The following ITPR2 variants were observed in gnomAD, a reference collection of about 807,000 sequenced individuals.
ITPR2 encodes inositol 1,4,5-trisphosphate receptor type 2.
ITPR2 carries 207 observed loss-of-function variants against 317.1 expected under a neutral mutation model. The ratio of observed to expected loss-of-function variants is 0.65; its 90% confidence interval spans 0.58 to 0.73. The LOEUF is 0.73. ITPR2 is among the 30% of genes least tolerant of loss of function. The probability of loss-of-function intolerance (pLI) is 0.00; values close to 1 mark genes in which losing one functional copy is unlikely to be tolerated. For synonymous variants in ITPR2, 1,156 were observed against 1,149.1 expected (o/e 1.01, Z -0.12); for missense variants, 2,613 against 3,284.0 (o/e 0.80, Z 4.99).
intron 21 of ITPR2, among the ~76,000 whole-genome samples, chr12:26,651,158 C>T (rs1163476684): frequency 1.3e-5 from 2 of 152,088 alleles, no homozygotes; most frequent in Non-Finnish European, 2.9e-5. Context: ...TCTTGGATTG[C>T]AATTTTAAAT....
At chr12:26,587,332 G>A (rs1315148867) in intron 32 of ITPR2, among the ~76,000 whole-genome samples, 1 of 151,354 alleles carries the variant, frequency 6.6e-6, no homozygotes, top group Non-Finnish European at 1.5e-5. Context: ...ATTCTATGGA[G>A]AAAAATGAAG....
At chr12:26,440,141 A>G (rs1423019983) in intron 46 of ITPR2, among the ~76,000 whole-genome samples, 2 of 152,190 alleles carry the variant, frequency 1.3e-5, no homozygotes, top group African/African-American at 2.4e-5. Context: ...GTGAGGCATA[A>G]AGAGAAATAT....
chr12:26,528,141 C>T lies in ITPR2; in HGVS notation c.5073+22106G>A, dbSNP rs74512330. On this transcript the variant is annotated intron_variant, in intron 37 of 56. Transcript: ENST00000381340. ...TTGGGGGGAAATATTAGCAAACACA[C>T]CCACAGATCTCAAGCCATGTTTTCC... 9.5e-3 allele frequency among the ~76,000 whole-genome samples: 1,445 copies of T among 152,280 alleles called. 25 individuals carry two copies. The highest frequency in any genetic ancestry group is 0.033 in the African/African-American group (1,388 of 41,544).
rs547461419 is a variant in ITPR2 at position 26,568,676 on chromosome 12, G to T, written c.4631-6724C>A. On this transcript the variant is annotated intron_variant, in intron 34 of 56. Coordinates refer to ENST00000381340, the MANE Select transcript of ITPR2 (RefSeq NM_002223.4). Reference sequence around the variant, plus strand: ...CTTAGCTAGATAAACTGACAGGTAGGGGGGAAAGGCAACAGAAAGTGTAAG... The same window carrying T: ...CTTAGCTAGATAAACTGACAGGTAGTGGGGAAAGGCAACAGAAAGTGTAAG... Among the ~76,000 whole-genome samples the T allele has an allele frequency of 3.9e-5, 6 of 152,140 alleles. No homozygotes were observed. In the East Asian group the frequency reaches 7.7e-4, roughly 20 times the overall value.
In ITPR2 at chr12:26,637,611, A is replaced by C. The variant is rs116116195; in HGVS notation, c.2741-5552T>G. Among the ~76,000 whole-genome samples, 1,468 of 152,304 alleles carry C rather than the reference A, an allele frequency of 9.6e-3. 31 individuals carry two copies. Among genetic ancestry groups the C allele is most frequent in the African/African-American group, 0.034 (1,404 of 41,554 alleles). On this transcript the variant is annotated intron_variant, in intron 21 of 56. Transcript: ENST00000381340. ...TGCAAAAAAAGCCATGAACAATAAAAAAGTACCATATAATTGTAAGGTATT... is the reference window on the plus strand; with the variant it reads ...TGCAAAAAAAGCCATGAACAATAAACAAGTACCATATAATTGTAAGGTATT...
At chr12:26,367,186 G>A (rs777746787) in intron 55 of ITPR2, among the ~76,000 whole-genome samples, 3 of 151,776 alleles carry the variant, frequency 2.0e-5, no homozygotes, top group African/African-American at 4.8e-5. Flanking sequence ...GCCAAAGATT[G>A]TTGTTGGAAA....
intron 34 of ITPR2, among the ~76,000 whole-genome samples, chr12:26,566,488 G>A (rs986864111): frequency 7.0e-6 from 1 of 142,604 alleles, no homozygotes; most frequent in Non-Finnish European, 1.5e-5. Flanking sequence ...GGAGAGGAGG[G>A]AGAGGAGGGA....
chr12:26,632,739 T>C (rs1946782694), intron 21 of ITPR2, among the ~76,000 whole-genome samples: 1 of 152,176 alleles, frequency 6.6e-6, no homozygotes, highest in South Asian at 2.1e-4. Context: ...GTGACAAACA[T>C]GATCATTTTC....
At chr12:26,576,989 T>TCA (rs1413153183) in intron 34 of ITPR2, among the ~76,000 whole-genome samples, 4 of 152,182 alleles carry the variant, frequency 2.6e-5, no homozygotes, top group Non-Finnish European at 4.4e-5. Flanking sequence ...CCTTTCACTC[T>TCA]CTCTCTCTCT....
chr12:26,441,818 C>T (rs1347176264), intron 46 of ITPR2, among the ~76,000 whole-genome samples: 2 of 152,116 alleles, frequency 1.3e-5, no homozygotes. Flanking sequence ...TTATTCAAAC[C>T]AGTAGCCCAG....
intron 45 of ITPR2, among the ~76,000 whole-genome samples, chr12:26,466,617 G>A (rs973013918): frequency 6.6e-6 from 1 of 152,100 alleles, no homozygotes; most frequent in Non-Finnish European, 1.5e-5. Flanking sequence ...CAGTAAAAGA[G>A]CTATCACAGT....
At chr12:26,567,976 T>C (rs1158599955) in intron 34 of ITPR2, among the ~76,000 whole-genome samples, 1 of 9,048 alleles carries the variant, frequency 1.1e-4, no homozygotes, top group East Asian at 9.6e-4. Flanking sequence ...ATATTATATA[T>C]ATTATATATA....
intron 22 of ITPR2, chr12:26,630,468 G>C (rs935535126): frequency 6.6e-6 from 1 of 152,248 alleles, no homozygotes; most frequent in Non-Finnish European, 1.5e-5. Context: ...GAAGACCCAG[G>C]GGGAAGAGAG....
intron 34 of ITPR2, among the ~76,000 whole-genome samples, chr12:26,569,127 C>G (rs1388172660): frequency 1.3e-5 from 2 of 152,038 alleles, no homozygotes; most frequent in Non-Finnish European, 2.9e-5. Context: ...TGAAAATTCT[C>G]CATGAGAATT....
intron 26 of ITPR2, among the ~76,000 whole-genome samples, chr12:26,613,731 A>C (rs946112816): frequency 1.3e-5 from 2 of 152,152 alleles, no homozygotes; most frequent in African/African-American, 4.8e-5. Flanking sequence ...GCAAAAGGGC[A>C]CCTATCTTGG....
intron 36 of ITPR2, among the ~76,000 whole-genome samples, chr12:26,555,482 C>T (rs1944638046): frequency 6.6e-6 from 1 of 152,180 alleles, no homozygotes; most frequent in African/African-American, 2.4e-5. Context: ...CAATAACGTG[C>T]CCTCCACATA....
intron 26 of ITPR2, among the ~76,000 whole-genome samples, chr12:26,619,593 C>T (rs10842761): frequency 0.49 from 75,049 of 151,636 alleles, 18,846 homozygotes; most frequent in Middle Eastern, 0.58. Context: ...ATAGATACTC[C>T]TTCTTGATGT....
chr12:26,395,426 G>A (rs972644290), intron 54 of ITPR2, among the ~76,000 whole-genome samples: 1 of 152,204 alleles, frequency 6.6e-6, no homozygotes, highest in African/African-American at 2.4e-5. Flanking sequence ...GCTTAGAGGA[G>A]CAGGAATCTT....
chr12:26,614,973 A>G (rs1946343878), intron 26 of ITPR2, among the ~76,000 whole-genome samples: 1 of 152,240 alleles, frequency 6.6e-6, no homozygotes, highest in African/African-American at 2.4e-5. Flanking sequence ...TACTGTGTCA[A>G]TATTGGCTTA....
Sources: gnomAD v4.1 joint callset for allele counts (sites outside exome capture counted in the v4.1 genomes callset) on GRCh38, gnomAD v4.1.1 for gene constraint, MANE v1.5 for transcripts, NCBI Gene and HGNC (gene_info 2026-07-23, HGNC 2026-07-21) for gene names.